The following HDAC4 variants were observed in gnomAD, a reference collection of about 807,000 sequenced individuals.
HDAC4 encodes histone deacetylase A.
In HDAC4, 16 loss-of-function variants were observed where a neutral mutation model predicts 135.1. The observed-to-expected ratio is 0.12, with a 90% confidence interval of 0.08 to 0.18. HDAC4 has a LOEUF of 0.18. HDAC4 is among the 10% of genes least tolerant of loss of function. The pLI is 1.00. For synonymous variants in HDAC4, 685 were observed against 653.4 expected, an observed-to-expected ratio of 1.05 and a Z score of -0.74; for missense variants, 1,143 against 1,511.8, an observed-to-expected ratio of 0.76 and a Z score of 4.05.
chr2:239,128,909 G>T (rs1201982803), intron 11 of HDAC4, among the ~76,000 whole-genome samples: 1 of 152,192 alleles, frequency 6.6e-6, no homozygotes, highest in African/African-American at 2.4e-5. Context: ...GTGTGAGTGG[G>T]GGCTACACAG....
chr2:239,316,357 T>C (rs1390438188), intron 2 of HDAC4, among the ~76,000 whole-genome samples: 1 of 152,132 alleles, frequency 6.6e-6, no homozygotes, highest in Admixed American at 6.5e-5. Context: ...CCCAGCACTC[T>C]GGGGGGCCAA....
intron 3 of HDAC4, among the ~76,000 whole-genome samples, chr2:239,221,468 A>G (rs1008534469): frequency 2.0e-5 from 3 of 152,144 alleles, no homozygotes; most frequent in Non-Finnish European, 4.4e-5. Context: ...AGCTTCGGAG[A>G]CCCTGTGCCC....
At chr2:239,318,214 A>G (rs940033944) in intron 2 of HDAC4, among the ~76,000 whole-genome samples, 89 of 152,194 alleles carry the variant, frequency 5.8e-4, no homozygotes, top group African/African-American at 2.1e-3. Context: ...CAGTGGAAAC[A>G]CCCGCCAGCA....
At chr2:239,097,921 G>A (rs915106417) in intron 16 of HDAC4, among the ~76,000 whole-genome samples, 2 of 152,330 alleles carry the variant, frequency 1.3e-5, no homozygotes, top group Non-Finnish European at 2.9e-5. Flanking sequence ...CTACTCCAAC[G>A]CACGGGAAAG....
intron 2 of HDAC4, among the ~76,000 whole-genome samples, chr2:239,340,980 A>C (rs531172582): frequency 3.9e-4 from 60 of 152,256 alleles, no homozygotes; most frequent in Non-Finnish European, 6.5e-4. Context: ...TCCCATCTCC[A>C]CCATCATCAG....
At chr2:239,134,181 G>A (rs959349948) in intron 11 of HDAC4, 64 bp downstream of exon 11, 7 of 1,352,936 alleles carry the variant, frequency 5.2e-6, no homozygotes, top group South Asian at 4.7e-5. Context: ...AGGCGAAGGC[G>A]GGGCACCATC....
intron 2 of HDAC4, among the ~76,000 whole-genome samples, chr2:239,338,589 A>C (rs960344860): frequency 6.6e-6 from 1 of 152,210 alleles, no homozygotes; most frequent in Non-Finnish European, 1.5e-5. Context: ...GATGTTCAAA[A>C]TTTAAATAGC....
At chr2:239,334,599 G>A (rs552718042) in intron 2 of HDAC4, among the ~76,000 whole-genome samples, 32 of 152,062 alleles carry the variant, frequency 2.1e-4, no homozygotes, top group African/African-American at 6.7e-4. Context: ...ACAGATGCTC[G>A]AAAAAAATAG....
intron 2 of HDAC4, among the ~76,000 whole-genome samples, chr2:239,261,297 C>T (rs1448916420): frequency 6.6e-6 from 1 of 152,142 alleles, no homozygotes; most frequent in African/African-American, 2.4e-5. Context: ...GTACACGAGC[C>T]CAGGTAACAC....
In HDAC4 at chr2:239,245,777, T is replaced by C. The variant is rs931728584; in HGVS notation, c.23-9113A>G. ...AATAAAGACGAGCCTGCCCCCACCTTCTATTCAATATGTCTTTCCTGAGCA... is the reference window on the plus strand; with the variant it reads ...AATAAAGACGAGCCTGCCCCCACCTCCTATTCAATATGTCTTTCCTGAGCA... On this transcript the variant is annotated intron_variant, in intron 2 of 26. Transcript: ENST00000543185. The surrounding 1 kb of genome is among the most constrained non-coding windows in gnomAD (Gnocchi z 4.4). Among the ~76,000 whole-genome samples, 2 of 152,146 alleles carry C rather than the reference T, an allele frequency of 1.3e-5. No homozygotes were observed. Among genetic ancestry groups the C allele is most frequent in the African/African-American group, 4.8e-5 (2 of 41,442 alleles).
intron 1 of HDAC4, among the ~76,000 whole-genome samples, chr2:239,369,558 C>G (rs1229256451): frequency 6.6e-6 from 1 of 152,140 alleles, no homozygotes; most frequent in Non-Finnish European, 1.5e-5. Flanking sequence ...ATGTAAAAAG[C>G]AAAGCTATTT....
At chr2:239,247,094 T>G (rs561521625) in intron 2 of HDAC4, among the ~76,000 whole-genome samples, 15 of 152,344 alleles carry the variant, frequency 9.8e-5, no homozygotes, top group Admixed American at 3.3e-4. Context: ...TGATGAAAGG[T>G]GATGCAGCTA....
At chr2:239,100,252 C>A (rs1005511771) in intron 16 of HDAC4, among the ~76,000 whole-genome samples, 1 of 152,252 alleles carries the variant, frequency 6.6e-6, no homozygotes, top group African/African-American at 2.4e-5. Context: ...ACCCTGCACA[C>A]TGCAGTGAGC....
At chr2:239,254,650 G>T (rs1292216509) in intron 2 of HDAC4, among the ~76,000 whole-genome samples, 1 of 152,118 alleles carries the variant, frequency 6.6e-6, no homozygotes, top group South Asian at 2.1e-4. Context: ...GAGAAGCAAG[G>T]ATAAAAGAAT....
At chr2:239,162,559 T>G (rs2042876199) in intron 6 of HDAC4, among the ~76,000 whole-genome samples, 2 of 152,204 alleles carry the variant, frequency 1.3e-5, no homozygotes, top group African/African-American at 4.8e-5. Flanking sequence ...AGGTGCCGGT[T>G]GCCAGCGATT....
chr2:239,374,358 A>G (rs908034815), intron 1 of HDAC4, among the ~76,000 whole-genome samples: 17 of 147,538 alleles, frequency 1.2e-4, no homozygotes, highest in African/African-American at 4.0e-4. Context: ...GAGAGGAGGA[A>G]ACCACCCCAG....
At chr2:239,208,290 G>A (rs1298375762) in intron 3 of HDAC4, among the ~76,000 whole-genome samples, 1 of 128,746 alleles carries the variant, frequency 7.8e-6, no homozygotes, top group Non-Finnish European at 1.5e-5. Flanking sequence ...TCGCGCCACT[G>A]CACTCCAGCC....
rs1363309751 is a variant in HDAC4, at chr2:239,299,654, T to TTG, written c.22+53022_22+53023dup. On this transcript the variant is annotated intron_variant, in intron 2 of 26. Transcript: ENST00000543185. The surrounding 1 kb of genome is among the most constrained non-coding windows in gnomAD (Gnocchi z 4.0). The stretch of plus-strand genomic sequence containing the variant: ...ATGCACTGAAACAAAAGCCAATTCC[T>TTG]TGAGTGAGAAGCGTCATGGGTAGAA... Among the ~76,000 whole-genome samples the TTG allele has an allele frequency of 1.3e-5, 2 of 152,224 alleles. No homozygotes were observed. The highest frequency in any genetic ancestry group is 1.3e-4 in the Admixed American group (2 of 15,284).
rs1281721274 is a variant in HDAC4, at chr2:239,309,513, TC to T, written c.22+43164del. Among the ~76,000 whole-genome samples the T allele has an allele frequency of 2.0e-5, 3 of 152,172 alleles. No homozygotes were observed. Among genetic ancestry groups the T allele is most frequent in the African/African-American group, 7.2e-5 (3 of 41,454 alleles). ...TCCACTCCTGCTTCCTTCCTCTCAC[TC>T]CACATCCGAGTTAGAGGGAAATACG... On this transcript the variant is annotated intron_variant, in intron 2 of 26. Coordinates refer to ENST00000543185, the MANE Select transcript of HDAC4 (RefSeq NM_001378414.1). The surrounding 1 kb of genome is among the most constrained non-coding windows in gnomAD (Gnocchi z 4.2).
Sources: gnomAD v4.1 joint callset for allele counts (sites outside exome capture counted in the v4.1 genomes callset) on GRCh38, gnomAD v4.1.1 for gene constraint, Gnocchi (gnomAD v3.1) non-coding constraint, MANE v1.5 for transcripts, NCBI Gene and HGNC (gene_info 2026-07-23, HGNC 2026-07-21) for gene names.